The following ARHGEF10L variants were observed in gnomAD, a reference collection of about 807,000 sequenced individuals.
The protein encoded by ARHGEF10L is Rho guanine nucleotide exchange factor 10 like.
In ARHGEF10L, 69 loss-of-function variants were observed where a neutral mutation model predicts 141.2. That is an observed-to-expected ratio of 0.49 (90% confidence interval 0.40 to 0.60). ARHGEF10L has a LOEUF of 0.60. ARHGEF10L is among the 20% of genes least tolerant of loss of function. The pLI is 0.00. For synonymous variants in ARHGEF10L, 711 were observed against 718.5 expected (o/e 0.99, Z 0.17); for missense variants, 1,482 against 1,734.3 (o/e 0.85, Z 2.58).
chr1:17,599,215 A>G (rs1184414322), intron 4 of ARHGEF10L, among the ~76,000 whole-genome samples: 3 of 152,082 alleles, frequency 2.0e-5, no homozygotes, highest in Non-Finnish European at 4.4e-5. Flanking sequence ...GCGTGCCTGT[A>G]GTCCCATCTA....
the ARHGEF10L span, among the ~76,000 whole-genome samples, chr1:17,532,894 AC>A: frequency 6.6e-6 from 1 of 151,436 alleles, no homozygotes; most frequent in African/African-American, 2.4e-5. Flanking sequence ...TGCACCCACC[AC>A]CCCCTCTTGA....
At chr1:17,518,504 CAGTG>C in the ARHGEF10L span, among the ~76,000 whole-genome samples, 1 of 151,958 alleles carries the variant, frequency 6.6e-6, no homozygotes, top group East Asian at 1.9e-4. Context: ...AATAAGAACT[CAGTG>C]AGGCCAGGCG....
intron 27 of ARHGEF10L, among the ~76,000 whole-genome samples, chr1:17,690,574 G>A (rs11807625): frequency 0.025 from 3,772 of 152,352 alleles, 155 homozygotes; most frequent in African/African-American, 0.086. Context: ...AGAGGTGACC[G>A]CTCTTTTGGC....
In ARHGEF10L at chr1:17,552,165, T is replaced by G. The variant is rs533630613; in HGVS notation, c.-44+12215T>G. 2.6e-5 allele frequency among the ~76,000 whole-genome samples: 4 copies of G among 152,244 alleles called. No individual in the cohort carries two copies. In the South Asian group the frequency reaches 8.3e-4, roughly 32 times the overall value. On this transcript the variant is annotated intron_variant, in intron 1 of 28. Coordinates refer to ENST00000361221, the MANE Select transcript of ARHGEF10L (RefSeq NM_018125.4). Reference sequence around the variant, plus strand: ...TGAGGCCAGTGAGGGAGGCAGTCCCTGCTGGGAAGGGCAGATGCCAGGCAG... The same window carrying G: ...TGAGGCCAGTGAGGGAGGCAGTCCCGGCTGGGAAGGGCAGATGCCAGGCAG...
chr1:17,618,274 A>T (rs1044055796), intron 9 of ARHGEF10L: 1 of 1,406,424 alleles, frequency 7.1e-7, no homozygotes, highest in Non-Finnish European at 9.4e-7. Flanking sequence ...CCCGCCCACA[A>T]GCCCAGCGCC....
At chr1:17,662,532 G>A (rs747236812) in intron 25 of ARHGEF10L, among the ~76,000 whole-genome samples, 2 of 152,188 alleles carry the variant, frequency 1.3e-5, no homozygotes, top group Admixed American at 1.3e-4. Flanking sequence ...CCTGGAGGTC[G>A]AGGGGAGTCC....
intron 7 of ARHGEF10L, among the ~76,000 whole-genome samples, chr1:17,609,739 T>C (rs1570882115): frequency 6.6e-6 from 1 of 151,772 alleles, no homozygotes; most frequent in East Asian, 1.9e-4. Flanking sequence ...GAGCGGTGAG[T>C]TGGAGCTGGG....
At chr1:17,580,841 A>G (rs1235737219) in intron 2 of ARHGEF10L, among the ~76,000 whole-genome samples, 1 of 152,144 alleles carries the variant, frequency 6.6e-6, no homozygotes, top group Non-Finnish European at 1.5e-5. Flanking sequence ...GGCTCTGAGC[A>G]AGGGTCAATC....
chr1:17,624,129 G>A (rs893059780), intron 12 of ARHGEF10L, among the ~76,000 whole-genome samples: 2 of 152,184 alleles, frequency 1.3e-5, no homozygotes, highest in East Asian at 1.9e-4. Context: ...GGAGGCGAAG[G>A]TCCCCTGGGC....
chr1:17,658,118 A>C (rs1171739438), intron 25 of ARHGEF10L, among the ~76,000 whole-genome samples: 1 of 152,186 alleles, frequency 6.6e-6, no homozygotes, highest in Non-Finnish European at 1.5e-5. Context: ...CAGCCTCTGC[A>C]TGGTGTTTTC....
chr1:17,654,690 G>T lies in ARHGEF10L; in HGVS notation c.2449G>T (p.Val817Phe). 6.2e-7 allele frequency: 1 copy of T among 1,614,182 alleles called. No homozygotes were observed. Among genetic ancestry groups the T allele is most frequent in the Non-Finnish European group, 8.5e-7 (1 of 1,180,028 alleles). ...VNCPLLGFSAVSTSLPQGYLW... is the reference protein window; with the variant it reads ...VNCPLLGFSAFSTSLPQGYLW... ...CTGTCCCCTGCTGGGTTTCTCAGCA[G>T]TCAGCACCTCCCTTCCACAGGGCTA... The change falls in exon 23 of 29, where the codon GTC (valine) becomes TTC (phenylalanine). Residue 817 changes from valine to phenylalanine, a missense_variant. Coordinates refer to ENST00000361221, the MANE Select transcript of ARHGEF10L (RefSeq NM_018125.4). This position sits in a 1 kb window ranked among gnomAD's most constrained non-coding sequence, Gnocchi z 4.3.
chr1:17,608,936 A>G (rs779322930), intron 7 of ARHGEF10L, among the ~76,000 whole-genome samples: 4 of 152,066 alleles, frequency 2.6e-5, no homozygotes, highest in Non-Finnish European at 5.9e-5. Context: ...GGCGTGCACC[A>G]TCATGCCTGG....
intron 21 of ARHGEF10L, among the ~76,000 whole-genome samples, chr1:17,640,886 A>C (rs2061293475): frequency 6.6e-6 from 1 of 152,172 alleles, no homozygotes. Flanking sequence ...ATTTACATGC[A>C]CTTTTCTGAG....
In ARHGEF10L at chr1:17,607,783, G is replaced by A; in HGVS notation, c.434-19G>A. 1 of 1,541,928 alleles carries A rather than the reference G, an allele frequency of 6.5e-7. No individual in the cohort carries two copies. The highest frequency in any genetic ancestry group is 8.7e-7 in the Non-Finnish European group (1 of 1,148,264). On this transcript the variant is annotated intron_variant, in intron 6 of 28. Coordinates refer to ENST00000361221, the MANE Select transcript of ARHGEF10L (RefSeq NM_018125.4). The surrounding 1 kb of genome is among the most constrained non-coding windows in gnomAD (Gnocchi z 4.5). ...TTGGCCTCAGGGCCTGGGCTCACCGGCTGCCGCTTGGCCAGCAGGGGCAGA... is the reference window on the plus strand; with the variant it reads ...TTGGCCTCAGGGCCTGGGCTCACCGACTGCCGCTTGGCCAGCAGGGGCAGA...
In ARHGEF10L at chr1:17,638,620, T is replaced by C; in HGVS notation, c.2102T>C (p.Val701Ala). 6.2e-7 allele frequency: 1 copy of C among 1,613,670 alleles called. No homozygotes were observed. Among genetic ancestry groups the C allele is most frequent in the Non-Finnish European group, 8.5e-7 (1 of 1,179,944 alleles). ...CTGGCCCTGCAGAGGCTGATGCGGGTGAAGGAGGAAGAGATCCACTCGGCC... is the reference window on the plus strand; with the variant it reads ...CTGGCCCTGCAGAGGCTGATGCGGGCGAAGGAGGAAGAGATCCACTCGGCC... ...WCLALQRLMR[V>A]KEEEIHSANK... Residue 701 changes from valine to alanine, a missense_variant, in exon 20 of 29, where the codon GTG becomes GCG. Physicochemically the swap from Val to Ala is moderately conservative, Grantham distance 64 (BLOSUM62 0). Around this residue, in one of 3 missense-constraint regions of ARHGEF10L, gnomAD observed 858 missense variants for 966.3 expected, o/e 0.89. Coordinates refer to ENST00000361221, the MANE Select transcript of ARHGEF10L (RefSeq NM_018125.4).
At chr1:17,587,844 C>T (rs924547212) in intron 3 of ARHGEF10L, among the ~76,000 whole-genome samples, 199 bp downstream of exon 3, 4 of 152,232 alleles carry the variant, frequency 2.6e-5, no homozygotes, top group East Asian at 1.9e-4. Flanking sequence ...CAACATCTGG[C>T]GCACTTTGGC....
Position 17,679,445 on chromosome 1 carries a change from G to A in ARHGEF10L, c.3010-8128G>A, listed in dbSNP as rs114397004. ...TGACCAAGTGTCTTGGTTTGCCCAG[G>A]ATTGAGGAATTTCCTGGGTTTGGGG... On this transcript the variant is annotated intron_variant, in intron 26 of 28. Coordinates refer to ENST00000361221, the MANE Select transcript of ARHGEF10L (RefSeq NM_018125.4). Among the ~76,000 whole-genome samples the A allele has an allele frequency of 9.4e-3, 1,433 of 152,274 alleles. 10 individuals carry two copies. The highest frequency in any genetic ancestry group is 0.044 in the Middle Eastern group (13 of 294).
At chr1:17,694,847 C>T (rs932342122) in intron 27 of ARHGEF10L, 6 of 518,648 alleles carry the variant, frequency 1.2e-5, no homozygotes, top group Middle Eastern at 2.9e-4. Flanking sequence ...ATGACCTGGC[C>T]GCCGTGTATT....
At chr1:17,550,319 GC>G (rs1174591233) in intron 1 of ARHGEF10L, among the ~76,000 whole-genome samples, 1 of 152,166 alleles carries the variant, frequency 6.6e-6, no homozygotes, top group African/African-American at 2.4e-5. Context: ...TAGGTTTGGG[GC>G]AGGTTCACAT....
Sources: gnomAD v4.1 joint callset for allele counts (sites outside exome capture counted in the v4.1 genomes callset) on GRCh38, gnomAD v4.1.1 for gene constraint, gnomAD v4.1.1 regional missense constraint, Gnocchi (gnomAD v3.1) non-coding constraint, MANE v1.5 for transcripts, NCBI Gene and HGNC (gene_info 2026-07-23, HGNC 2026-07-21) for gene names.